The following MRTFB variants were observed in gnomAD, a reference collection of about 807,000 sequenced individuals.
MRTFB encodes myocardin-related transcription factor B.
In MRTFB, 29 loss-of-function variants were observed where a neutral mutation model predicts 104.2. That is an observed-to-expected ratio of 0.28 (90% CI 0.21 to 0.38). MRTFB has a LOEUF of 0.38. Ranked by LOEUF, MRTFB falls within the 10% of genes least tolerant of loss-of-function variation. The pLI is 1.00. For synonymous variants in MRTFB, 535 were observed against 519.5 expected (o/e 1.03, Z -0.41); for missense variants, 1,270 against 1,341.6 (o/e 0.95, Z 0.83).
chr16:14,170,663 ATC>A (rs2039393992), intron 3 of MRTFB, among the ~76,000 whole-genome samples: 1 of 152,128 alleles, frequency 6.6e-6, no homozygotes, highest in Non-Finnish European at 1.5e-5. Flanking sequence ...CAGAGTATAT[ATC>A]ATGTGTATAT....
chr16:14,223,292 A>T (rs2041824996), intron 8 of MRTFB, among the ~76,000 whole-genome samples: 1 of 152,144 alleles, frequency 6.6e-6, no homozygotes, highest in African/African-American at 2.4e-5. Context: ...CCTGGATAAC[A>T]GAGCGAGACC....
In MRTFB at chr16:14,205,108, A is replaced by G. The variant is rs530093579; in HGVS notation, c.155-5135A>G. 5.3e-5 allele frequency among the ~76,000 whole-genome samples: 8 copies of G among 152,338 alleles called. No individual in the cohort carries two copies. In the East Asian group the frequency reaches 9.6e-4, roughly 18 times the overall value. On this transcript the variant is annotated intron_variant, in intron 3 of 16. Transcript: ENST00000571589. ...ATGTAGAAGCAGAGAATCAAAATCT[A>G]TGCTTAAAGACAGAGGAAATACATG...
chr16:14,260,371 A>G (rs1470451052), intron 16 of MRTFB, among the ~76,000 whole-genome samples: 2 of 151,798 alleles, frequency 1.3e-5, no homozygotes, highest in Admixed American at 6.6e-5. Context: ...AAAAAAAAGG[A>G]AAAAAGAATG....
At chr16:14,176,759 A>C (rs1482558259) in intron 3 of MRTFB, among the ~76,000 whole-genome samples, 1 of 152,242 alleles carries the variant, frequency 6.6e-6, no homozygotes. Flanking sequence ...AACTGAGTTA[A>C]TACATGTAAA....
At chr16:14,009,676 G>A in the MRTFB span, 1 of 152,160 alleles carries the variant, frequency 6.6e-6, no homozygotes, top group East Asian at 1.9e-4. Flanking sequence ...TCTGGTTGAG[G>A]AAGTTCCCTC....
intron 2 of MRTFB, among the ~76,000 whole-genome samples, chr16:14,139,156 A>C (rs1304871684): frequency 6.6e-6 from 1 of 152,240 alleles, no homozygotes; most frequent in Non-Finnish European, 1.5e-5. Flanking sequence ...AAATACTTGT[A>C]AATCATATAT....
Position 14,240,212 on chromosome 16 carries a change from GTTA to G in MRTFB, c.832-22_832-20del, listed in dbSNP as rs756692983. The G allele has an allele frequency of 8.0e-4, 1,257 of 1,564,670 alleles. 8 individuals are homozygous for G. The highest frequency in any genetic ancestry group is 1.0e-3 in the Admixed American group (53 of 50,850). On this transcript the variant is annotated intron_variant, in intron 9 of 16. Coordinates refer to ENST00000571589, the MANE Select transcript of MRTFB (RefSeq NM_001308142.2). ...TTTATGTGGTGACATCTCTTTAAATGTTATTTTCTTTTTCTCAAAAATAGCAAA... is the reference window on the plus strand; with the variant it reads ...TTTATGTGGTGACATCTCTTTAAATGTTTTCTTTTTCTCAAAAATAGCAAA...
intron 9 of MRTFB, 129 bp downstream of exon 9, chr16:14,234,412 T>C (rs1186778302): frequency 1.8e-6 from 2 of 1,109,532 alleles, no homozygotes; most frequent in African/African-American, 3.2e-5. Flanking sequence ...TCTTAAAAAC[T>C]AAGCCATGCA....
chr16:14,245,449 T>G, intron 10 of MRTFB, 79 bp from the exon 11 acceptor site: 1 of 1,257,498 alleles, frequency 8.0e-7, no homozygotes, highest in Non-Finnish European at 1.1e-6. Flanking sequence ...CTTCATAAGT[T>G]AGTCAAATTG....
intron 8 of MRTFB, among the ~76,000 whole-genome samples, chr16:14,233,116 C>A (rs1459596701): frequency 1.3e-5 from 2 of 152,170 alleles, no homozygotes; most frequent in Non-Finnish European, 1.5e-5. Flanking sequence ...CCTAGTAACG[C>A]CTTCTGTAGC....
chr16:14,091,392 C>T (rs940793133), intron 2 of MRTFB, among the ~76,000 whole-genome samples: 3 of 152,268 alleles, frequency 2.0e-5, no homozygotes, highest in East Asian at 1.9e-4. Flanking sequence ...TCAGGGACCT[C>T]AGGGATTAGA....
At chr16:14,013,688 A>G in the MRTFB span, among the ~76,000 whole-genome samples, 1 of 152,192 alleles carries the variant, frequency 6.6e-6, no homozygotes, top group Non-Finnish European at 1.5e-5. Flanking sequence ...TGGCCATTGG[A>G]CTGGAAAACT....
At chr16:14,215,474 A>G (rs1285428569) in intron 6 of MRTFB, among the ~76,000 whole-genome samples, 1 of 152,258 alleles carries the variant, frequency 6.6e-6, no homozygotes, top group African/African-American at 2.4e-5. Flanking sequence ...AAGACCAGGA[A>G]CAGAAACATA....
chr16:14,016,234 T>C, the MRTFB span, among the ~76,000 whole-genome samples: 2 of 151,806 alleles, frequency 1.3e-5, no homozygotes, highest in African/African-American at 4.8e-5. Flanking sequence ...ATCTCGGATG[T>C]GAAAGCTCTA....
intron 2 of MRTFB, among the ~76,000 whole-genome samples, chr16:14,099,958 C>T (rs1334377187): frequency 6.6e-6 from 1 of 152,212 alleles, no homozygotes; most frequent in Non-Finnish European, 1.5e-5. Context: ...AGCTGCTGTG[C>T]CCAGCCATTC....
At chr16:14,228,306 G>C (rs145233055) in intron 8 of MRTFB, among the ~76,000 whole-genome samples, 66 of 152,352 alleles carry the variant, frequency 4.3e-4, no homozygotes, top group Non-Finnish European at 7.9e-4. Flanking sequence ...GCTGGGCGCA[G>C]TGGCTTACAC....
At chr16:14,246,426 G>T (rs1857694515) in intron 11 of MRTFB, 47 bp from the exon 12 acceptor site, 3 of 1,582,022 alleles carry the variant, frequency 1.9e-6, no homozygotes, top group African/African-American at 1.4e-5. Context: ...CTGTAGATTT[G>T]CCAGAAAGCT....
intron 1 of MRTFB, among the ~76,000 whole-genome samples, chr16:14,076,896 A>C (rs1191060310): frequency 6.6e-6 from 1 of 152,178 alleles, no homozygotes; most frequent in East Asian, 1.9e-4. Flanking sequence ...CGGGGTGAGC[A>C]TCTTTTCATG....
At chr16:14,157,739 T>G (rs1240629523) in intron 3 of MRTFB, among the ~76,000 whole-genome samples, 1 of 152,146 alleles carries the variant, frequency 6.6e-6, no homozygotes, top group African/African-American at 2.4e-5. Flanking sequence ...TTGGTCCAAG[T>G]GACCTGCTGA....
Sources: gnomAD v4.1 joint callset for allele counts (sites outside exome capture counted in the v4.1 genomes callset) on GRCh38, gnomAD v4.1.1 for gene constraint, MANE v1.5 for transcripts, NCBI Gene and HGNC (gene_info 2026-07-23, HGNC 2026-07-21) for gene names.